Variants in NRK observed in about 807,000 individuals in gnomAD.
The protein encoded by NRK is Nik related kinase, also known as nik-related protein kinase.
NRK carries 67 observed loss-of-function variants against 125.2 expected under a neutral mutation model. The observed-to-expected ratio is 0.54, with a 90% confidence interval of 0.44 to 0.66. The LOEUF (loss-of-function observed/expected upper bound fraction) is 0.66. NRK is among the 30% of genes least tolerant of loss of function. The pLI is 0.00. For missense variants in NRK, 1,224 were observed against 1,192.9 expected, an observed-to-expected ratio of 1.03 and a Z score of -0.38; for synonymous variants, 458 against 429.0, an observed-to-expected ratio of 1.07 and a Z score of -0.84.
At chrX:105,849,784 G>A (rs1179244610) in intron 2 of NRK, among the ~76,000 whole-genome samples, 1 of 112,110 alleles carries the variant, frequency 8.9e-6, no homozygotes, top group Non-Finnish European at 1.9e-5. Context: ...GCAAGACGTG[G>A]GTTCCCATGG....
intron 2 of NRK, among the ~76,000 whole-genome samples, chrX:105,849,455 A>T (rs909162973): frequency 9.0e-6 from 1 of 110,871 alleles, no homozygotes; most frequent in African/African-American, 3.3e-5. Context: ...AAAACCAATC[A>T]TGCCTTCCCA....
At chrX:105,910,344 TG>T (rs1192774260) in intron 13 of NRK, among the ~76,000 whole-genome samples, 1 of 112,341 alleles carries the variant, frequency 8.9e-6, no homozygotes, top group Admixed American at 9.5e-5. Flanking sequence ...CACTCATTTT[TG>T]TACTACAGGA....
chrX:105,886,875 T>C (rs770874471), intron 4 of NRK, among the ~76,000 whole-genome samples: 1 of 111,263 alleles, frequency 9.0e-6, no homozygotes, highest in South Asian at 3.7e-4. Context: ...CAAGATAGTA[T>C]GGTACTGTCC....
rs1181838531 is a variant in NRK at position 105,826,868 on chromosome X, C to T, written c.57+3966C>T. Among the ~76,000 whole-genome samples, 3 of 110,866 alleles carry T rather than the reference C, an allele frequency of 2.7e-5. No individual in the cohort carries two copies. The East Asian group carries it at 8.5e-4, about 31-fold the overall frequency. On this transcript the variant is annotated intron_variant, in intron 1 of 28. Coordinates refer to ENST00000243300, the MANE Select transcript of NRK (RefSeq NM_198465.4). ...ACATATATATAGAGCATCACCTCTG[C>T]ATAACACTGCACATCAGTTTATTTT...
chrX:105,921,471 T>G (rs889807409), intron 16 of NRK, among the ~76,000 whole-genome samples: 13 of 107,420 alleles, frequency 1.2e-4, no homozygotes, highest in Admixed American at 1.2e-3. Context: ...CCCTAAAACT[T>G]AAAGTATAAT....
At chrX:105,829,421 A>T (rs1251192608) in intron 1 of NRK, among the ~76,000 whole-genome samples, 1 of 112,590 alleles carries the variant, frequency 8.9e-6, no homozygotes, top group Non-Finnish European at 1.9e-5. Flanking sequence ...GTTTGTGTAT[A>T]TAAAATAAAC....
chrX:105,944,962 G>T (rs922852160), intron 24 of NRK, among the ~76,000 whole-genome samples: 2 of 111,324 alleles, frequency 1.8e-5, no homozygotes, highest in Non-Finnish European at 3.8e-5. Flanking sequence ...TTAAAATGAG[G>T]GACTGTTTTT....
At position 105,957,274 on chromosome X, in the gene NRK, G is replaced by T. The variant is rs2040988845; in HGVS notation, c.*1674G>T. The T allele has an allele frequency of 1.9e-5, 2 of 104,702 alleles. No individual in the cohort carries two copies. The highest frequency in any genetic ancestry group is 3.0e-4 in the East Asian group (1 of 3,320). 8.6% of individuals were successfully genotyped at this position (104,702 alleles called of 1,213,427 possible). On this transcript the variant is annotated 3_prime_UTR_variant, in exon 29 of 29. Coordinates refer to ENST00000243300, the MANE Select transcript of NRK (RefSeq NM_198465.4). The stretch of plus-strand genomic sequence containing the variant: ...CTCAAACAACTTTTTGAATGCAGTA[G>T]TTTTTTTTTTTTAAAAACAAACTTT...
At chrX:105,942,714 G>A (rs774646045) in intron 23 of NRK, among the ~76,000 whole-genome samples, 1 of 111,415 alleles carries the variant, frequency 9.0e-6, no homozygotes, top group African/African-American at 3.3e-5. Flanking sequence ...CACCTCCCAG[G>A]TTCAAGATAT....
At chrX:105,950,120 A>G (rs776282030) in intron 27 of NRK, among the ~76,000 whole-genome samples, 2 of 112,062 alleles carry the variant, frequency 1.8e-5, no homozygotes, top group East Asian at 5.6e-4. Flanking sequence ...GAGACTGCCA[A>G]CTAGTATAAA....
chrX:105,908,356 C>T (rs2040246538), intron 12 of NRK, 53 bp downstream of exon 12: 6 of 607,249 alleles, frequency 9.9e-6, no homozygotes, highest in African/African-American at 2.4e-5. Flanking sequence ...CACATAAGGC[C>T]GTTGATTCCA....
At chrX:105,907,148 T>C (rs955087174) in intron 11 of NRK, 6 of 110,980 alleles carry the variant, frequency 5.4e-5, no homozygotes, top group Non-Finnish European at 1.1e-4. Flanking sequence ...TGTCTATTAA[T>C]AAAAGTGAAC....
Position 105,952,980 on chromosome X carries a change from A to G in NRK, c.4514-54A>G, listed in dbSNP as rs1002907245. 23 of 997,643 alleles carry G rather than the reference A, an allele frequency of 2.3e-5. No individual in the cohort carries two copies. In the South Asian group the frequency reaches 4.6e-4, roughly 20 times the overall value. 82.2% of individuals were successfully genotyped at this position (997,643 alleles called of 1,213,427 possible). A position where few individuals can be genotyped will look rare whatever the true frequency, so the allele number is the denominator to read the frequency against. On this transcript the variant is annotated intron_variant, in intron 27 of 28. Coordinates refer to ENST00000243300, the MANE Select transcript of NRK (RefSeq NM_198465.4). Reference sequence around the variant, plus strand: ...ACATTGACTGTAGTTATAATTTTCTATGATGGCCAGAAAGATTTTGTGTTT... The same window carrying G: ...ACATTGACTGTAGTTATAATTTTCTGTGATGGCCAGAAAGATTTTGTGTTT...
intron 2 of NRK, among the ~76,000 whole-genome samples, chrX:105,834,259 TGA>T (rs1350271782): frequency 8.9e-6 from 1 of 111,984 alleles, no homozygotes; most frequent in Non-Finnish European, 1.9e-5. Context: ...AAATGTGGAT[TGA>T]GAGTTATTAT....
chrX:105,886,393 AC>A (rs1345063955), intron 4 of NRK, among the ~76,000 whole-genome samples: 5 of 105,576 alleles, frequency 4.7e-5, no homozygotes, highest in African/African-American at 1.7e-4. Context: ...ACACACATAC[AC>A]ATACAGACAC....
At chrX:105,906,251 C>T (rs181880573) in intron 10 of NRK, among the ~76,000 whole-genome samples, 163 bp from the exon 11 acceptor site, 119 of 111,346 alleles carry the variant, frequency 1.1e-3, no homozygotes, top group African/African-American at 3.7e-3. Flanking sequence ...CACTTTATAA[C>T]GTATGTTGCC....
intron 24 of NRK, among the ~76,000 whole-genome samples, chrX:105,944,519 C>T (rs1449925778): frequency 3.6e-5 from 4 of 111,749 alleles, no homozygotes; most frequent in African/African-American, 6.5e-5. Flanking sequence ...TCCCCACCAG[C>T]GCCTCACTCC....
intron 13 of NRK, 80 bp downstream of exon 13, chrX:105,909,962 A>G: frequency 1.3e-6 from 1 of 788,457 alleles, no homozygotes; most frequent in Non-Finnish European, 1.8e-6. Flanking sequence ...TTTTCTCAGT[A>G]AAACCAAATG....
rs1186898738 is a variant in NRK at position 105,909,808 on chromosome X, C to T, written c.2167C>T (p.Arg723Cys). 8 of 1,180,763 alleles carry T rather than the reference C, an allele frequency of 6.8e-6. No individual in the cohort carries two copies. The highest frequency in any genetic ancestry group is 6.2e-5 in the East Asian group (2 of 32,294). ...GCTTGAACTCTCGGATTTAGAAGCCCGCAGGCAAAGGCGCCAACGCAGATG... is the reference window on the plus strand; with the variant it reads ...GCTTGAACTCTCGGATTTAGAAGCCTGCAGGCAAAGGCGCCAACGCAGATG... ...EKLELSDLEARRQRRQRRWED... is the reference protein window; with the variant it reads ...EKLELSDLEACRQRRQRRWED... Residue 723 changes from arginine to cysteine, a missense_variant, in exon 13 of 29, where the codon CGC becomes TGC. Transcript: ENST00000243300.
Sources: allele counts gnomAD v4.1 joint callset (sites outside exome capture counted in the v4.1 genomes callset), GRCh38; gene constraint gnomAD v4.1.1; transcripts MANE v1.5; gene names NCBI Gene and HGNC (gene_info 2026-07-23, HGNC 2026-07-21).